Variants in ADAM7 observed in about 807,000 individuals in gnomAD.
ADAM7 encodes disintegrin and metalloproteinase domain-containing protein 7.
In ADAM7, 97 loss-of-function variants were observed where a neutral mutation model predicts 102.9. That is an observed-to-expected ratio of 0.94 (90% CI 0.80 to 1.12). The LOEUF is 1.12. Among genes scored for constraint, ADAM7 ranks in the 50% most tolerant of loss-of-function variants. The pLI is 0.00. For synonymous variants in ADAM7, 334 were observed against 304.4 expected, an observed-to-expected ratio of 1.10 and a Z score of -1.01; for missense variants, 991 against 908.7, an observed-to-expected ratio of 1.09 and a Z score of -1.16.
chr8:24,508,426 T>G, intron 21 of ADAM7, 120 bp from the exon 22 acceptor site: 1 of 980,988 alleles, frequency 1.0e-6, no homozygotes, highest in East Asian at 2.5e-5. Context: ...CATGAATAAA[T>G]GTAGGACTAC....
chr8:24,493,008 T>G, intron 15 of ADAM7, 35 bp from the exon 16 acceptor site: 1 of 1,534,796 alleles, frequency 6.5e-7, no homozygotes, highest in Non-Finnish European at 8.7e-7. Flanking sequence ...GTTGTATTTC[T>G]AGTTCCAAGT....
intron 2 of ADAM7, among the ~76,000 whole-genome samples, chr8:24,446,783 G>A (rs1351122548): frequency 1.3e-5 from 2 of 151,218 alleles, no homozygotes; most frequent in Non-Finnish European, 2.9e-5. Flanking sequence ...ATCCTTGGAT[G>A]AGGAGAGAAT....
At chr8:24,473,149 C>T (rs1162246129) in intron 7 of ADAM7, among the ~76,000 whole-genome samples, 1 of 152,068 alleles carries the variant, frequency 6.6e-6, no homozygotes, top group Non-Finnish European at 1.5e-5. Flanking sequence ...AACAAACAAC[C>T]TTTGTTTAAC....
At position 24,509,454 on chromosome 8, in the gene ADAM7, T is replaced by C. The variant is rs1821045791; in HGVS notation, c.*908T>C. ...TCCTCTATTTTCTTCTTGTGAACTGTTAAAGCTACATGCATTATTTTTTTT... is the reference window on the plus strand; with the variant it reads ...TCCTCTATTTTCTTCTTGTGAACTGCTAAAGCTACATGCATTATTTTTTTT... On this transcript the variant is annotated 3_prime_UTR_variant, in exon 22 of 22. Transcript: ENST00000175238. 1 of 985,300 alleles carries C rather than the reference T, an allele frequency of 1.0e-6. No homozygotes were observed. Among genetic ancestry groups the C allele is most frequent in the South Asian group, 4.7e-5 (1 of 21,288 alleles). 61.0% of individuals were successfully genotyped at this position (985,300 alleles called of 1,614,324 possible).
rs773811472 is a variant in ADAM7, at chr8:24,499,316, T to G, written c.1923T>G (p.Pro641=). The G allele has an allele frequency of 1.3e-6, 2 of 1,595,124 alleles. No individual in the cohort carries two copies. Among genetic ancestry groups the G allele is most frequent in the African/African-American group, 2.7e-5 (2 of 74,140 alleles). ...GCCCCTCTCAGTGCAATGAAAATCC[T>G]GTAAGATATGACTGCTTTCAAAATT... ...TNCPSQCNEN[P]VDGHGLQCHC... The change falls in exon 17 of 22, where the codon CCT becomes CCG. Residue 641 remains proline (P), a splice_region_variant and synonymous_variant. Transcript: ENST00000175238.
At chr8:24,452,634 C>A (rs1585857094) in intron 3 of ADAM7, among the ~76,000 whole-genome samples, 1 of 148,962 alleles carries the variant, frequency 6.7e-6, no homozygotes, top group Non-Finnish European at 1.5e-5. Context: ...TTAATTGGAG[C>A]ATTTAGTCCA....
At chr8:24,506,194 G>A (rs1246890793) in intron 20 of ADAM7, 1 of 1,423,808 alleles carries the variant, frequency 7.0e-7, no homozygotes, top group South Asian at 1.3e-5. Context: ...GGTGGGCTAT[G>A]TCCTTTCCAA....
intron 3 of ADAM7, among the ~76,000 whole-genome samples, chr8:24,453,943 C>T (rs1818902003): frequency 6.6e-6 from 1 of 152,204 alleles, no homozygotes; most frequent in African/African-American, 2.4e-5. Context: ...TGGGTATCCG[C>T]AGCAGTGGCT....
chr8:24,459,396 T>A (rs1219523636), intron 3 of ADAM7, among the ~76,000 whole-genome samples: 1 of 152,028 alleles, frequency 6.6e-6, no homozygotes, highest in African/African-American at 2.4e-5. Flanking sequence ...GGGTTCTTCT[T>A]ATATGATCAA....
rs367681847 is a variant in ADAM7, at chr8:24,507,510, G to T, written c.2239G>T (p.Ala747Ser). 6.2e-7 allele frequency: 1 copy of T among 1,612,538 alleles called. No individual in the cohort carries two copies. Among genetic ancestry groups the T allele is most frequent in the Non-Finnish European group, 8.5e-7 (1 of 1,178,890 alleles). Residue 747 changes from alanine to serine, a missense_variant, in exon 21 of 22, where the codon GCA (alanine) becomes TCA (serine). Ala to Ser is a moderately conservative substitution (Grantham distance 99, BLOSUM62 1). Transcript: ENST00000175238. Reference protein sequence around the residue: ...KPASKDSRGIADPNQSAK With the variant: ...KPASKDSRGISDPNQSAK ...TGCAAGTAAAGATTCAAGAGGAATC[G>T]CAGATCCCAATCAAAGTGCCAAGTG...
intron 18 of ADAM7, 124 bp from the exon 19 acceptor site, chr8:24,500,666 G>A (rs977244807): frequency 1.4e-6 from 1 of 710,212 alleles, no homozygotes; most frequent in African/African-American, 1.8e-5. Flanking sequence ...ATAATTGAGA[G>A]GAAAGGAGAA....
At chr8:24,468,722 G>C (rs772830471) in intron 6 of ADAM7, 45 bp from the exon 7 acceptor site, 20 of 1,554,914 alleles carry the variant, frequency 1.3e-5, no homozygotes, top group African/African-American at 2.7e-5. Context: ...GGTTAAGATA[G>C]AAAGTGTTAA....
rs552762202 is a variant in ADAM7, at chr8:24,493,142, T to A, written c.1755T>A (p.Ala585=). ...ACCTTAAGGATCCCCAGAAGAATGCTACTGTCAAATGCAAAACTATTTTTT... is the reference window on the plus strand; with the variant it reads ...ACCTTAAGGATCCCCAGAAGAATGCAACTGTCAAATGCAAAACTATTTTTT... ...TYHLKDPQKN[A]TVKCKTIFLY... is the part of the protein sequence containing the mutation. Residue 585 remains alanine, a synonymous_variant, in exon 16 of 22, where the codon GCT becomes GCA. Coordinates refer to ENST00000175238, the MANE Select transcript of ADAM7 (RefSeq NM_003817.4). The A allele has an allele frequency of 6.2e-7, 1 of 1,613,536 alleles. No homozygotes were observed. Among genetic ancestry groups the A allele is most frequent in the East Asian group, 2.2e-5 (1 of 44,820 alleles).
At chr8:24,489,462 T>C in intron 12 of ADAM7, 129 bp downstream of exon 12, 1 of 864,094 alleles carries the variant, frequency 1.2e-6, no homozygotes, top group South Asian at 2.3e-5. Context: ...TGCTTTCCAT[T>C]TTTATTTTGA....
chr8:24,462,486 C>G (rs1819277630), intron 3 of ADAM7, among the ~76,000 whole-genome samples: 2 of 152,176 alleles, frequency 1.3e-5, no homozygotes, highest in African/African-American at 4.8e-5. Flanking sequence ...AAACTGGAAA[C>G]TTCATCTTAT....
intron 3 of ADAM7, among the ~76,000 whole-genome samples, chr8:24,463,596 C>T (rs186392578): frequency 1.2e-4 from 19 of 152,130 alleles, no homozygotes; most frequent in Admixed American, 2.6e-4. Flanking sequence ...ATTTTGATCT[C>T]TGATTTTTGC....
At chr8:24,479,731 T>C (rs994954255) in intron 8 of ADAM7, among the ~76,000 whole-genome samples, 10 of 152,152 alleles carry the variant, frequency 6.6e-5, no homozygotes, top group African/African-American at 2.4e-4. Flanking sequence ...TGATATTTGG[T>C]CAGTTCTTTC....
chr8:24,461,404 T>C (rs900577572), intron 3 of ADAM7, among the ~76,000 whole-genome samples: 1 of 152,208 alleles, frequency 6.6e-6, no homozygotes, highest in Admixed American at 6.5e-5. Context: ...CCCCAGTATG[T>C]GTCGTGTTGT....
In ADAM7 at chr8:24,501,543, T is replaced by C. The variant is rs1820759363; in HGVS notation, c.2175T>C (p.Thr725=). The change falls in exon 20 of 22, where the codon ACT becomes ACC. Residue 725 remains threonine (T), a synonymous_variant. Transcript: ENST00000175238. ...TTGGTGATGAGCAGCAGATAAGGAC[T>C]GAGCCAATCCTGCCAGAAATTCATT... ...GYFGDEQQIR[T]EPILPEIHFL... 6.2e-7 allele frequency: 1 copy of C among 1,606,048 alleles called. No homozygotes were observed. Among genetic ancestry groups the C allele is most frequent in the Non-Finnish European group, 8.5e-7 (1 of 1,177,520 alleles).
Sources: gnomAD v4.1 joint callset for allele counts (sites outside exome capture counted in the v4.1 genomes callset) on GRCh38, gnomAD v4.1.1 for gene constraint, MANE v1.5 for transcripts, NCBI Gene and HGNC (gene_info 2026-07-23, HGNC 2026-07-21) for gene names.